The following CTTNBP2NL variants were observed in gnomAD, a reference collection of about 807,000 sequenced individuals.
CTTNBP2NL encodes CTTNBP2 N-terminal-like protein.
Under a neutral mutation model 32.5 loss-of-function variants are expected in CTTNBP2NL, and 16 were observed. The observed-to-expected ratio is 0.49, with a 90% CI of 0.33 to 0.75. The LOEUF is 0.75. Ranked by LOEUF, CTTNBP2NL falls within the 30% of genes least tolerant of loss-of-function variation. The pLI is 0.02. For synonymous variants in CTTNBP2NL, 298 were observed against 289.4 expected (o/e 1.03, Z -0.30); for missense variants, 645 against 756.0 (o/e 0.85, Z 1.72).
intron 2 of CTTNBP2NL, among the ~76,000 whole-genome samples, chr1:112,413,750 C>T (rs1275779103): frequency 6.6e-6 from 1 of 152,104 alleles, no homozygotes; most frequent in Non-Finnish European, 1.5e-5. Flanking sequence ...CTGAAATTCA[C>T]TTGTTAGAAA....
At chr1:112,418,713 A>G (rs890636136) in intron 3 of CTTNBP2NL, among the ~76,000 whole-genome samples, 6 of 152,176 alleles carry the variant, frequency 3.9e-5, no homozygotes, top group African/African-American at 1.4e-4. Context: ...GGAACCACAT[A>G]GTTCAGCAGG....
In CTTNBP2NL at chr1:112,459,445, T is replaced by A. The variant is rs1000456120; in HGVS notation, c.*2033T>A. On this transcript the variant is annotated 3_prime_UTR_variant, in exon 6 of 6. Transcript: ENST00000271277. ...CTGACCTCCTGCTATAATTTAAGTC[T>A]ATTTCCTTTTAATCTAATAAGAGTT... is the stretch of plus-strand genomic sequence containing the variant. 2 of 152,236 alleles carry A rather than the reference T, an allele frequency of 1.3e-5. No individual in the cohort carries two copies. The highest frequency in any genetic ancestry group is 3.8e-4 in the East Asian group (2 of 5,200). 9.4% of individuals were successfully genotyped at this position (152,236 alleles called of 1,614,324 possible).
intron 3 of CTTNBP2NL, among the ~76,000 whole-genome samples, chr1:112,423,923 A>G (rs868023607): frequency 2.1e-4 from 32 of 152,270 alleles, no homozygotes; most frequent in Middle Eastern, 3.4e-3. Flanking sequence ...GGATTTCACC[A>G]TGTTGGTCGG....
chr1:112,433,338 A>G (rs1649629798), intron 3 of CTTNBP2NL, among the ~76,000 whole-genome samples: 1 of 152,134 alleles, frequency 6.6e-6, no homozygotes, highest in Non-Finnish European at 1.5e-5. Context: ...TGACGCCTGT[A>G]ATCCCAGCAC....
chr1:112,419,647 A>G lies in CTTNBP2NL; in HGVS notation c.99+3383A>G, dbSNP rs1649164917. Among the ~76,000 whole-genome samples the G allele has an allele frequency of 2.0e-5, 3 of 152,236 alleles. No individual in the cohort carries two copies. The South Asian group carries it at 6.2e-4, about 32-fold the overall frequency. Reference sequence around the variant, plus strand: ...CTTGTACTTATTATGGAAGCAGATTATTATAAAGACTGGTCTGAAATGAAA... The same window carrying G: ...CTTGTACTTATTATGGAAGCAGATTGTTATAAAGACTGGTCTGAAATGAAA... On this transcript the variant is annotated intron_variant, in intron 3 of 5. Coordinates refer to ENST00000271277, the MANE Select transcript of CTTNBP2NL (RefSeq NM_018704.3).
At chr1:112,433,082 A>AT (rs1194958581) in intron 3 of CTTNBP2NL, among the ~76,000 whole-genome samples, 4 of 151,960 alleles carry the variant, frequency 2.6e-5, no homozygotes, top group African/African-American at 9.7e-5. Context: ...CTTAAATCTG[A>AT]TATCTTCTGT....
chr1:112,437,296 T>C (rs1480623835), intron 3 of CTTNBP2NL, among the ~76,000 whole-genome samples: 1 of 152,178 alleles, frequency 6.6e-6, no homozygotes. Context: ...ACATTTGTTA[T>C]TTTTTGACTT....
chr1:112,393,822 G>C (rs145480048), upstream of CTTNBP2NL, among the ~76,000 whole-genome samples: 318 of 152,304 alleles, frequency 2.1e-3, no homozygotes, highest in African/African-American at 7.1e-3. Context: ...TGCTCTAAAG[G>C]AAGTAGGTCA....
chr1:112,399,318 C>CA (rs72332884), intron 1 of CTTNBP2NL, among the ~76,000 whole-genome samples: 4,322 of 77,766 alleles, frequency 0.056, 381 homozygotes, highest in African/African-American at 0.15. Flanking sequence ...GACTCTGTCT[C>CA]AAAAAAAAAA....
chr1:112,413,234 A>G (rs946733913), intron 2 of CTTNBP2NL, among the ~76,000 whole-genome samples: 5 of 152,232 alleles, frequency 3.3e-5, no homozygotes, highest in African/African-American at 1.2e-4. Context: ...TTAGAATCTA[A>G]CAAATAATAC....
At chr1:112,417,268 A>C (rs1163411598) in intron 3 of CTTNBP2NL, among the ~76,000 whole-genome samples, 3 of 152,236 alleles carry the variant, frequency 2.0e-5, no homozygotes, top group Admixed American at 2.0e-4. Context: ...CCAGGCATGT[A>C]GATGCTCAGT....
rs1414460501 is a variant in CTTNBP2NL at position 112,456,401 on chromosome 1, G to A, written c.909G>A (p.Glu303=). The A allele has an allele frequency of 6.2e-7, 1 of 1,614,112 alleles. No homozygotes were observed. Among genetic ancestry groups the A allele is most frequent in the African/African-American group, 1.3e-5 (1 of 75,038 alleles). Reference sequence around the variant, plus strand: ...CCGTGTCCAAAGGCACAGCAACTGAGCCTCTCATGCTAATGTCTGTGTTTT... The same window carrying A: ...CCGTGTCCAAAGGCACAGCAACTGAACCTCTCATGCTAATGTCTGTGTTTT... ...PVTVSKGTAT[E]PLMLMSVFCQ... is the part of the protein sequence containing the mutation. Residue 303 remains glutamate, a synonymous_variant, in exon 6 of 6, where the codon GAG becomes GAA. Transcript: ENST00000271277.
At chr1:112,432,379 G>C (rs1649593531) in intron 3 of CTTNBP2NL, among the ~76,000 whole-genome samples, 1 of 151,940 alleles carries the variant, frequency 6.6e-6, no homozygotes, top group African/African-American at 2.4e-5. Flanking sequence ...GAATTTTTAT[G>C]AGAAAATACT....
At chr1:112,424,315 T>C (rs1019665332) in intron 3 of CTTNBP2NL, among the ~76,000 whole-genome samples, 4 of 152,222 alleles carry the variant, frequency 2.6e-5, no homozygotes, top group Non-Finnish European at 2.9e-5. Context: ...TCTTTGCACC[T>C]TTGTCAGTCG....
intron 2 of CTTNBP2NL, among the ~76,000 whole-genome samples, chr1:112,415,498 G>A (rs1649026323): frequency 6.6e-6 from 1 of 151,528 alleles, no homozygotes; most frequent in South Asian, 2.1e-4. Context: ...CAGAGAAATG[G>A]TATTCATTAT....
chr1:112,443,443 A>C (rs1649951861), intron 3 of CTTNBP2NL, among the ~76,000 whole-genome samples: 1 of 152,128 alleles, frequency 6.6e-6, no homozygotes, highest in East Asian at 1.9e-4. Flanking sequence ...TGAACTCCTC[A>C]CCTGAAGTCA....
At chr1:112,432,066 A>ATTTTTTTT (rs11440212) in intron 3 of CTTNBP2NL, among the ~76,000 whole-genome samples, 103 of 91,044 alleles carry the variant, frequency 1.1e-3, no homozygotes, top group Non-Finnish European at 1.5e-3. Flanking sequence ...ATATATTTTG[A>ATTTTTTTT]TTTTTTTTTT....
chr1:112,424,410 C>T (rs962016176), intron 3 of CTTNBP2NL, among the ~76,000 whole-genome samples: 2 of 152,182 alleles, frequency 1.3e-5, no homozygotes, highest in Admixed American at 6.5e-5. Context: ...CAGTACCACA[C>T]TGTTTTGGTT....
At chr1:112,438,719 A>C (rs1649811038) in intron 3 of CTTNBP2NL, among the ~76,000 whole-genome samples, 1 of 152,204 alleles carries the variant, frequency 6.6e-6, no homozygotes, top group Non-Finnish European at 1.5e-5. Context: ...TGTTATGAAC[A>C]GAAGATAAAG....
Sources: gnomAD v4.1 joint callset for allele counts (sites outside exome capture counted in the v4.1 genomes callset) on GRCh38, gnomAD v4.1.1 for gene constraint, MANE v1.5 for transcripts, NCBI Gene and HGNC (gene_info 2026-07-23, HGNC 2026-07-21) for gene names.